The following NIBAN3 variants were observed in gnomAD, a reference collection of about 807,000 sequenced individuals.
The protein encoded by NIBAN3 is niban apoptosis regulator 3.
A neutral mutation model predicts 76.4 loss-of-function variants in NIBAN3; 66 were observed. That is an observed-to-expected ratio of 0.86 (90% CI 0.71 to 1.06). The LOEUF is 1.06. Among genes scored for constraint, NIBAN3 ranks in the 50% least tolerant of loss-of-function variants. NIBAN3 has a pLI of 0.00. For synonymous variants in NIBAN3, 360 were observed against 355.2 expected (o/e 1.01, Z -0.15); for missense variants, 808 against 810.7 (o/e 1.00, Z 0.04).
At chr19:17,532,522 A>C in intron 3 of NIBAN3, 134 bp downstream of exon 3, 1 of 1,427,554 alleles carries the variant, frequency 7.0e-7, no homozygotes, top group Non-Finnish European at 9.8e-7. Flanking sequence ...TTGTGCCCCT[A>C]TGTGTTTGGC....
At chr19:17,541,526 G>A (rs2075952008) in intron 9 of NIBAN3, among the ~76,000 whole-genome samples, 1 of 152,064 alleles carries the variant, frequency 6.6e-6, no homozygotes, top group Non-Finnish European at 1.5e-5. Flanking sequence ...ACATGAGATG[G>A]TATTCACAGA....
At position 17,532,384 on chromosome 19, in the gene NIBAN3, A is replaced by G. The variant is rs1358511924; in HGVS notation, c.308A>G (p.Lys103Arg). 1 of 1,614,198 alleles carries G rather than the reference A, an allele frequency of 6.2e-7. No individual in the cohort carries two copies. The highest frequency in any genetic ancestry group is 1.7e-5 in the Admixed American group (1 of 60,010). ...GGCCGCCTAGAGTGGTTCAGCCACA[A>G]GGAGGTGCGTGATTGGCACGTGGCC... Reference protein sequence around the residue: ...GDGRLEWFSHKEEYENGGHCL... With the variant: ...GDGRLEWFSHREEYENGGHCL... The change falls in exon 3 of 15, where the codon AAG becomes AGG. Residue 103 changes from lysine to arginine, a missense_variant. Lys to Arg is a conservative substitution (Grantham distance 26). Transcript: ENST00000599164.
In NIBAN3 at chr19:17,530,897, G is replaced by A; in HGVS notation, c.186+12G>A. 1 of 1,611,024 alleles carries A rather than the reference G, an allele frequency of 6.2e-7. No individual in the cohort carries two copies. Among genetic ancestry groups the A allele is most frequent in the Non-Finnish European group, 8.5e-7 (1 of 1,179,080 alleles). Reference sequence around the variant, plus strand: ...TGCTACGCAGCAAAGTGGGTGTTGTGGGGGCAGAGGACGTTTGAGTGTTAG... The same window carrying A: ...TGCTACGCAGCAAAGTGGGTGTTGTAGGGGCAGAGGACGTTTGAGTGTTAG... On this transcript the variant is annotated intron_variant, in intron 2 of 14. Coordinates refer to ENST00000599164, the MANE Select transcript of NIBAN3 (RefSeq NM_001321827.2).
chr19:17,525,653 T>C (rs1332646200), upstream of NIBAN3, among the ~76,000 whole-genome samples: 1 of 151,906 alleles, frequency 6.6e-6, no homozygotes. Flanking sequence ...ACATGGGGGC[T>C]TCGGGAGCTG....
At chr19:17,525,656 G>A (rs142931076), upstream of NIBAN3, among the ~76,000 whole-genome samples, 602 of 152,264 alleles carry the variant, frequency 4.0e-3, 11 homozygotes, top group African/African-American at 0.014. Context: ...TGGGGGCTTC[G>A]GGAGCTGCAG....
At chr19:17,529,191 G>A (rs532631678) in intron 1 of NIBAN3, among the ~76,000 whole-genome samples, 2 of 152,294 alleles carry the variant, frequency 1.3e-5, no homozygotes, top group South Asian at 2.1e-4. Flanking sequence ...TAGCAACAAC[G>A]CCTAGCTCAT....
At chr19:17,539,882 A>T in intron 8 of NIBAN3, 117 bp downstream of exon 8, 2 of 255,122 alleles carry the variant, frequency 7.8e-6, no homozygotes, top group Non-Finnish European at 1.1e-5. Context: ...GTGGTCAGAG[A>T]GGGGCGGGGC....
chr19:17,553,981 C>G (rs1351290031), downstream of NIBAN3: 1 of 159,358 alleles, frequency 6.3e-6, no homozygotes, highest in African/African-American at 2.4e-5. Context: ...AGTGATTCTC[C>G]TGCCTCGGCC....
chr19:17,538,951 A>G (rs2075881228), intron 5 of NIBAN3, among the ~76,000 whole-genome samples, 199 bp from the exon 6 acceptor site: 1 of 152,218 alleles, frequency 6.6e-6, no homozygotes, highest in Non-Finnish European at 1.5e-5. Flanking sequence ...GGCTGCCAGT[A>G]GAGGGTTCCT....
In NIBAN3 at chr19:17,537,442, A is replaced by G; in HGVS notation, c.494A>G (p.Gln165Arg). ...CCTGTGAGCTTCCCGCTGTTCCTGC[A>G]GCACCCCTTCCGCCGGCACCTCTGC... is the stretch of plus-strand genomic sequence containing the variant. Reference protein sequence around the residue: ...EVPVSFPLFLQHPFRRHLCFS... With the variant: ...EVPVSFPLFLRHPFRRHLCFS... The change falls in exon 5 of 15, where the codon CAG becomes CGG. Residue 165 changes from glutamine (Q) to arginine (R), a missense_variant. Coordinates refer to ENST00000599164, the MANE Select transcript of NIBAN3 (RefSeq NM_001321827.2). 1 of 1,614,116 alleles carries G rather than the reference A, an allele frequency of 6.2e-7. No individual in the cohort carries two copies. The highest frequency in any genetic ancestry group is 8.5e-7 in the Non-Finnish European group (1 of 1,180,030).
At chr19:17,554,799 ATAAT>A (rs1157128901), downstream of NIBAN3, among the ~76,000 whole-genome samples, 3 of 109,586 alleles carry the variant, frequency 2.7e-5, no homozygotes, top group South Asian at 8.9e-4. Flanking sequence ...AAAAAAGAAA[ATAAT>A]AATAATAATA....
intron 12 of NIBAN3, among the ~76,000 whole-genome samples, chr19:17,544,315 C>A (rs2076011048): frequency 1.3e-5 from 2 of 152,326 alleles, no homozygotes; most frequent in Admixed American, 6.5e-5. Flanking sequence ...GACTTCCATA[C>A]CCTGAGCCCT....
chr19:17,542,277 C>A lies in NIBAN3; in HGVS notation c.1312C>A (p.Gln438Lys), dbSNP rs1294924963. The A allele has an allele frequency of 6.2e-7, 1 of 1,610,826 alleles. No individual in the cohort carries two copies. Among genetic ancestry groups the A allele is most frequent in the Non-Finnish European group, 8.5e-7 (1 of 1,178,476 alleles). Reference protein sequence around the residue: ...LGMQSLVFGAQDLAQQLMADA... With the variant: ...LGMQSLVFGAKDLAQQLMADA... Reference sequence around the variant, plus strand: ...GATGCAGAGCCTCGTGTTTGGGGCCCAAGATCTTGCACAGCAGGTGAGGGT... The same window carrying A: ...GATGCAGAGCCTCGTGTTTGGGGCCAAAGATCTTGCACAGCAGGTGAGGGT... The change falls in exon 10 of 15, where the codon CAA becomes AAA. Residue 438 changes from glutamine to lysine, a missense_variant. Physicochemically the swap from Gln to Lys is moderately conservative, Grantham distance 53. Transcript: ENST00000599164. This position sits in a 1 kb window ranked among gnomAD's most constrained non-coding sequence, Gnocchi z 4.8.
intron 14 of NIBAN3, among the ~76,000 whole-genome samples, chr19:17,550,988 G>A (rs1407423355): frequency 6.6e-6 from 1 of 151,398 alleles, no homozygotes; most frequent in Non-Finnish European, 1.5e-5. Context: ...CCTCACCTTT[G>A]TCCGGGAGGT....
rs762398809 is a variant in NIBAN3, at chr19:17,539,733, G to A, written c.947G>A (p.Arg316Gln). Reference protein sequence around the residue: ...TIRPDVDQLLRQRARVAGRLR... With the variant: ...TIRPDVDQLLQQRARVAGRLR... ...CGCCCGGACGTGGACCAGCTGCTGCGGCAGCGGGCGCGTGTGGCGGGGCGG... is the reference window on the plus strand; with the variant it reads ...CGCCCGGACGTGGACCAGCTGCTGCAGCAGCGGGCGCGTGTGGCGGGGCGG... Residue 316 changes from arginine to glutamine, a missense_variant, in exon 8 of 15, where the codon CGG (arginine) becomes CAG (glutamine). Arg to Gln is a conservative substitution (Grantham distance 43). Transcript: ENST00000599164. The A allele has an allele frequency of 7.8e-6, 12 of 1,541,344 alleles. No homozygotes were observed. The highest frequency in any genetic ancestry group is 1.0e-5 in the Non-Finnish European group (12 of 1,145,196).
In NIBAN3 at chr19:17,537,374, A is replaced by T. The variant is rs1281242996; in HGVS notation, c.428-2A>T. 6.2e-7 allele frequency: 1 copy of T among 1,612,676 alleles called. No individual in the cohort carries two copies. The highest frequency in any genetic ancestry group is 1.3e-5 in the African/African-American group (1 of 74,874). ...AAGATGCGACCTCCTGTTTGTTTTCAGGAGACCATACTCAGGAAGAGCCTG... is the reference window on the plus strand; with the variant it reads ...AAGATGCGACCTCCTGTTTGTTTTCTGGAGACCATACTCAGGAAGAGCCTG... On this transcript the variant is annotated splice_acceptor_variant, in intron 4 of 14. Transcript: ENST00000599164. LOFTEE classifies it high-confidence loss of function.
chr19:17,534,966 T>C (rs2075800039), intron 4 of NIBAN3, among the ~76,000 whole-genome samples: 1 of 152,128 alleles, frequency 6.6e-6, no homozygotes, highest in Non-Finnish European at 1.5e-5. Flanking sequence ...GGCTGAGGAT[T>C]GTCACACAGT....
At chr19:17,526,421 T>A (rs2075609098), upstream of NIBAN3, among the ~76,000 whole-genome samples, 2 of 151,230 alleles carry the variant, frequency 1.3e-5, no homozygotes, top group South Asian at 4.2e-4. Flanking sequence ...GGTGGGCGGA[T>A]CACTTGAGTC....
chr19:17,533,495 C>T, intron 3 of NIBAN3, 92 bp from the exon 4 acceptor site: 6 of 777,102 alleles, frequency 7.7e-6, no homozygotes, highest in Non-Finnish European at 1.3e-5. Context: ...GATTTTTCAG[C>T]TCATCTGAAA....
Sources: gnomAD v4.1 joint callset for allele counts (sites outside exome capture counted in the v4.1 genomes callset) on GRCh38, gnomAD v4.1.1 for gene constraint, Gnocchi (gnomAD v3.1) non-coding constraint, MANE v1.5 for transcripts, NCBI Gene and HGNC (gene_info 2026-07-23, HGNC 2026-07-21) for gene names.